The following UBE2W variants were observed in gnomAD, a reference collection of about 807,000 sequenced individuals.
The protein encoded by UBE2W is ubiquitin-conjugating enzyme E2 W.
In UBE2W, 18 loss-of-function variants were observed where a neutral mutation model predicts 27.2. The observed-to-expected ratio is 0.66, with a 90% CI of 0.46 to 0.98. UBE2W has a LOEUF of 0.98. Among genes scored for constraint, UBE2W ranks in the 50% least tolerant of loss-of-function variants. The pLI is 0.00. For synonymous variants in UBE2W, 53 were observed against 57.2 expected, an observed-to-expected ratio of 0.93 and a Z score of 0.33; for missense variants, 90 against 180.2, an observed-to-expected ratio of 0.50 and a Z score of 2.87.
chr8:73,809,138 G>C (rs574801149), intron 4 of UBE2W, among the ~76,000 whole-genome samples: 4 of 152,198 alleles, frequency 2.6e-5, no homozygotes, highest in African/African-American at 9.6e-5. Context: ...GTGTGTGTTG[G>C]GGGTGGGTGA....
At position 73,787,841 on chromosome 8, in the gene UBE2W, C is replaced by T. The variant is rs895411972; in HGVS notation, c.*6261G>A. ...ACTCACGATAACTCTAAGCAAGTGC[C>T]TGGGTCTCCATTTCCATCTTCACTG... On this transcript the variant is annotated 3_prime_UTR_variant, in exon 6 of 6. Transcript: ENST00000602593. 126 of 985,250 alleles carry T rather than the reference C, an allele frequency of 1.3e-4. No individual in the cohort carries two copies. The Middle Eastern group carries it at 2.1e-3, about 16-fold the overall frequency. 61.0% of individuals were successfully genotyped at this position (985,250 alleles called of 1,614,324 possible). A position where few individuals can be genotyped will look rare whatever the true frequency, so the allele number is the denominator to read the frequency against.
chr8:73,820,917 T>C (rs895706571), intron 3 of UBE2W, among the ~76,000 whole-genome samples: 2 of 152,016 alleles, frequency 1.3e-5, no homozygotes, highest in African/African-American at 4.8e-5. Flanking sequence ...CACCACAGCA[T>C]AGGTAGATGA....
In UBE2W at chr8:73,786,861, TC is replaced by T. The variant is rs1807977651; in HGVS notation, c.*7240del. Reference sequence around the variant, plus strand: ...TGCTTGATTAAGTTGGATGGGAATGTCATTAAATTATAACAGGATAAAAGAA... The same window carrying T: ...TGCTTGATTAAGTTGGATGGGAATGTATTAAATTATAACAGGATAAAAGAA... On this transcript the variant is annotated 3_prime_UTR_variant, in exon 6 of 6. Coordinates refer to ENST00000602593, the MANE Select transcript of UBE2W (RefSeq NM_018299.6). The T allele has an allele frequency of 1.0e-6, 1 of 985,292 alleles. No homozygotes were observed. Among genetic ancestry groups the T allele is most frequent in the Non-Finnish European group, 1.2e-6 (1 of 829,914 alleles). The allele number at this position is 985,292 out of a possible 1,614,324, so 61.0% of individuals were successfully genotyped here.
In UBE2W at chr8:73,826,937, A is replaced by G. The variant is rs149641316; in HGVS notation, c.108-1688T>C. 9.3e-4 allele frequency among the ~76,000 whole-genome samples: 142 copies of G among 152,348 alleles called. 1 individual carries two copies. The highest frequency in any genetic ancestry group is 3.2e-3 in the African/African-American group (135 of 41,584). The stretch of plus-strand genomic sequence containing the variant: ...ACAAAACAAAAAACTATCTCTTTAT[A>G]TATTAGGTCCTTCTTAATCTTCGAA... On this transcript the variant is annotated intron_variant, in intron 2 of 5. Coordinates refer to ENST00000602593, the MANE Select transcript of UBE2W (RefSeq NM_018299.6).
intron 3 of UBE2W, among the ~76,000 whole-genome samples, chr8:73,817,965 A>C (rs1313447996): frequency 6.6e-6 from 1 of 152,210 alleles, no homozygotes; most frequent in African/African-American, 2.4e-5. Context: ...GTATCGACAC[A>C]TAAAACTACA....
At chr8:73,850,979 C>T (rs893890514) in intron 1 of UBE2W, among the ~76,000 whole-genome samples, 9 of 151,886 alleles carry the variant, frequency 5.9e-5, no homozygotes, top group Non-Finnish European at 1.2e-4. Context: ...CCCACCTCAG[C>T]CTCCCAAGTA....
intron 4 of UBE2W, among the ~76,000 whole-genome samples, chr8:73,809,500 C>T (rs1199239016): frequency 2.0e-5 from 3 of 152,020 alleles, no homozygotes; most frequent in Non-Finnish European, 4.4e-5. Flanking sequence ...AACCCTTAAG[C>T]AGGAATGACA....
chr8:73,791,265 AAG>A lies in UBE2W; in HGVS notation c.*2835_*2836del, dbSNP rs1473202372. On this transcript the variant is annotated 3_prime_UTR_variant, in exon 6 of 6. Transcript: ENST00000602593. The stretch of plus-strand genomic sequence containing the variant: ...TATGGCATTAATCCCTACTTGACCA[AAG>A]AAAAAAAAAAAAAAGAAGGGCATCA... 1.0e-6 allele frequency: 1 copy of A among 967,234 alleles called. No homozygotes were observed. Among genetic ancestry groups the A allele is most frequent in the African/African-American group, 2.4e-5 (1 of 41,524 alleles). 59.9% of individuals were successfully genotyped at this position (967,234 alleles called of 1,614,324 possible). A position where few individuals can be genotyped will look rare whatever the true frequency, so the allele number is the denominator to read the frequency against.
chr8:73,847,143 TG>T (rs1185139391), intron 1 of UBE2W, among the ~76,000 whole-genome samples: 1 of 152,162 alleles, frequency 6.6e-6, no homozygotes, highest in East Asian at 1.9e-4. Flanking sequence ...CATTCCAGCC[TG>T]GGCGACAGAG....
intron 1 of UBE2W, among the ~76,000 whole-genome samples, chr8:73,834,240 T>C (rs1347422315): frequency 6.6e-6 from 1 of 152,212 alleles, no homozygotes; most frequent in Non-Finnish European, 1.5e-5. Flanking sequence ...GAAAACTGTG[T>C]TGTGAATCAC....
intron 3 of UBE2W, 35 bp downstream of exon 3, chr8:73,825,112 A>T (rs980541737): frequency 3.5e-6 from 5 of 1,429,190 alleles, no homozygotes; most frequent in Non-Finnish European, 3.8e-6. Context: ...GCTATCTAAA[A>T]ATACAAAAAA....
chr8:73,799,041 G>A (rs1475213435), intron 5 of UBE2W, among the ~76,000 whole-genome samples: 1 of 151,910 alleles, frequency 6.6e-6, no homozygotes, highest in Non-Finnish European at 1.5e-5. Flanking sequence ...TTTCAAAGCA[G>A]GTATGACTTC....
At position 73,878,735 on chromosome 8, in the gene UBE2W, G is replaced by C. The variant is rs542348565; in HGVS notation, c.15+73C>G. On this transcript the variant is annotated intron_variant, in intron 1 of 5. Transcript: ENST00000602593. ...GCCCGGGTGTCCCCGAATCGCGGAC[G>C]CCACCCCCGCCCGAACGCTGGCACT... The C allele has an allele frequency of 1.3e-4, 173 of 1,354,208 alleles. 2 individuals are homozygous for C. In the African/African-American group the frequency reaches 2.1e-3, roughly 17 times the overall value. The allele number at this position is 1,354,208 out of a possible 1,614,324, so 83.9% of individuals were successfully genotyped here.
intron 1 of UBE2W, among the ~76,000 whole-genome samples, chr8:73,839,726 GTTTTT>G (rs149185338): frequency 3.2e-5 from 4 of 123,136 alleles, no homozygotes; most frequent in Non-Finnish European, 5.0e-5. Flanking sequence ...TTCTTTTTTG[GTTTTT>G]TTTTTTTTTT....
At chr8:73,814,418 AAAATGGAATTACAG>A (rs1809301164) in intron 3 of UBE2W, among the ~76,000 whole-genome samples, 2 of 152,246 alleles carry the variant, frequency 1.3e-5, no homozygotes, top group Non-Finnish European at 2.9e-5. Context: ...TACACTAAGT[AAAATGGAATTACAG>A]ATTTTTAAAG....
chr8:73,875,399 C>T (rs906089263), intron 1 of UBE2W, among the ~76,000 whole-genome samples: 20 of 152,230 alleles, frequency 1.3e-4, no homozygotes, highest in African/African-American at 3.9e-4. Context: ...ATGGTTGAGA[C>T]GCACTGACAG....
Position 73,873,035 on chromosome 8 carries a change from A to T in UBE2W, c.15+5773T>A, listed in dbSNP as rs146032801. On this transcript the variant is annotated intron_variant, in intron 1 of 5. Transcript: ENST00000602593. ...ATTCTCCTGCCTCAGCCTCTCAAAT[A>T]ACTGGGATTACAGATGCGCTCTACC... Among the ~76,000 whole-genome samples, 1,353 of 151,854 alleles carry T rather than the reference A, an allele frequency of 8.9e-3. 28 individuals carry two copies. Among genetic ancestry groups the T allele is most frequent in the African/African-American group, 0.031 (1,282 of 41,392 alleles).
chr8:73,870,881 A>G (rs901404109), intron 1 of UBE2W, among the ~76,000 whole-genome samples: 2 of 151,178 alleles, frequency 1.3e-5, no homozygotes, highest in Non-Finnish European at 2.9e-5. Flanking sequence ...GTGTGAGAAG[A>G]GCATTCCAAA....
At chr8:73,864,325 T>C (rs1485766646) in intron 1 of UBE2W, among the ~76,000 whole-genome samples, 1 of 151,992 alleles carries the variant, frequency 6.6e-6, no homozygotes, top group African/African-American at 2.4e-5. Flanking sequence ...ACCTGGGAGG[T>C]TGCAGAAAGA....
Sources: gnomAD v4.1 joint callset for allele counts (sites outside exome capture counted in the v4.1 genomes callset) on GRCh38, gnomAD v4.1.1 for gene constraint, MANE v1.5 for transcripts, NCBI Gene and HGNC (gene_info 2026-07-23, HGNC 2026-07-21) for gene names.